Variants in SCAF4 observed in about 807,000 individuals in gnomAD.
SCAF4 encodes SR-related and CTD-associated factor 4.
SCAF4 carries 25 observed loss-of-function variants against 129.8 expected under a neutral mutation model. The ratio of observed to expected loss-of-function variants is 0.19; its 90% CI spans 0.14 to 0.27. The LOEUF (loss-of-function observed/expected upper bound fraction) is 0.27. SCAF4 is among the 10% of genes least tolerant of loss of function. The pLI, the probability that SCAF4 is intolerant of heterozygous loss-of-function variation, is 1.00. For synonymous variants in SCAF4, 551 were observed against 497.7 expected, an observed-to-expected ratio of 1.11 and a Z score of -1.43; for missense variants, 1,246 against 1,457.1, an observed-to-expected ratio of 0.86 and a Z score of 2.36.
chr21:31,726,333 C>T (rs1296966637), intron 1 of SCAF4, among the ~76,000 whole-genome samples: 1 of 152,164 alleles, frequency 6.6e-6, no homozygotes, highest in East Asian at 1.9e-4. Context: ...GTGTGAGCCA[C>T]CACGCCTGGC....
chr21:31,692,121 T>C, intron 13 of SCAF4, 191 bp from the exon 14 acceptor site: 1 of 591,850 alleles, frequency 1.7e-6, no homozygotes. Context: ...TATAAAGACT[T>C]ACCTAGAAAT....
At chr21:31,723,629 T>TGTGTGTGTGTGTGTGTGTGCGC (rs1271033175) in intron 1 of SCAF4, among the ~76,000 whole-genome samples, 22 of 148,998 alleles carry the variant, frequency 1.5e-4, no homozygotes, top group African/African-American at 5.2e-4. Flanking sequence ...TGTGTGTGTG[T>TGTGTGTGTGTGTGTGTGTGCGC]GCGCGCGCGC....
At chr21:31,718,780 T>C (rs186973414) in intron 1 of SCAF4, among the ~76,000 whole-genome samples, 180 of 152,358 alleles carry the variant, frequency 1.2e-3, no homozygotes, top group African/African-American at 4.0e-3. Flanking sequence ...CCGCACATAA[T>C]ATTCAAATTC....
intron 1 of SCAF4, among the ~76,000 whole-genome samples, chr21:31,722,951 T>TC (rs2123682454): frequency 6.6e-6 from 1 of 150,948 alleles, no homozygotes; most frequent in Non-Finnish European, 1.5e-5. Flanking sequence ...AGACTCCATC[T>TC]AAAAAAAAAG....
intron 1 of SCAF4, among the ~76,000 whole-genome samples, chr21:31,717,664 C>T (rs1424544466): frequency 6.6e-6 from 1 of 151,464 alleles, no homozygotes; most frequent in African/African-American, 2.4e-5. Context: ...CAGTAACTTG[C>T]AAATCTTTAA....
intron 1 of SCAF4, among the ~76,000 whole-genome samples, chr21:31,715,311 C>G (rs1173530816): frequency 2.0e-5 from 3 of 151,760 alleles, no homozygotes; most frequent in African/African-American, 7.3e-5. Context: ...GTATAAGGAC[C>G]CTTATGATTA....
At chr21:31,711,843 G>A (rs1386629969) in intron 1 of SCAF4, among the ~76,000 whole-genome samples, 1 of 152,064 alleles carries the variant, frequency 6.6e-6, no homozygotes, top group African/African-American at 2.4e-5. Context: ...GTGGCACAGA[G>A]GTATAAAGTG....
chr21:31,712,772 C>T lies in SCAF4; in HGVS notation c.31-6415G>A, dbSNP rs549436625. The T allele has an allele frequency of 1.8e-4, 63 of 343,230 alleles. 1 individual carries two copies. The highest frequency in any genetic ancestry group is 1.5e-3 in the Middle Eastern group (1 of 676). The allele number at this position is 343,230 out of a possible 1,614,324, so 21.3% of individuals were successfully genotyped here. A position where few individuals can be genotyped will look rare whatever the true frequency, so the allele number is the denominator to read the frequency against. On this transcript the variant is annotated intron_variant, in intron 1 of 19. Transcript: ENST00000286835. ...CTCAAACTCCTGACCTCAGTTGATCCACCCACCTCGGCCTCCCAAAGTGCT... is the reference window on the plus strand; with the variant it reads ...CTCAAACTCCTGACCTCAGTTGATCTACCCACCTCGGCCTCCCAAAGTGCT...
At position 31,707,770 on chromosome 21, in the gene SCAF4, C is replaced by A. The variant is rs185074309; in HGVS notation, c.31-1413G>T. Among the ~76,000 whole-genome samples the A allele has an allele frequency of 5.5e-3, 844 of 152,290 alleles. 10 individuals are homozygous for A. The highest frequency in any genetic ancestry group is 0.019 in the African/African-American group (796 of 41,554). ...AATATGAGTGTTTTCTCAGAGTAAACAGCCCCACCTAGCAGTGTATCCTAA... is the reference window on the plus strand; with the variant it reads ...AATATGAGTGTTTTCTCAGAGTAAAAAGCCCCACCTAGCAGTGTATCCTAA... On this transcript the variant is annotated intron_variant, in intron 1 of 19. Transcript: ENST00000286835.
At chr21:31,717,894 TACACATATATACACAC>T (rs1170227068) in intron 1 of SCAF4, among the ~76,000 whole-genome samples, 2 of 107,360 alleles carry the variant, frequency 1.9e-5, no homozygotes, top group African/African-American at 8.0e-5. Flanking sequence ...TACACATATA[TACACATATATACACAC>T]ACACACACAC....
intron 15 of SCAF4, among the ~76,000 whole-genome samples, chr21:31,689,587 G>C (rs1568834470): frequency 6.7e-6 from 1 of 149,646 alleles, no homozygotes; most frequent in Non-Finnish European, 1.5e-5. Context: ...TCGGATTACA[G>C]GCATGAGCCA....
intron 19 of SCAF4, among the ~76,000 whole-genome samples, chr21:31,677,288 C>A (rs145793740): frequency 1.3e-5 from 2 of 152,118 alleles, no homozygotes; most frequent in African/African-American, 4.8e-5. Flanking sequence ...GCCCTTCTTG[C>A]TTGCACCAAC....
intron 15 of SCAF4, among the ~76,000 whole-genome samples, chr21:31,690,109 CA>C (rs1309526164): frequency 4.6e-5 from 7 of 152,178 alleles, no homozygotes; most frequent in Non-Finnish European, 7.3e-5. Flanking sequence ...AACTGCAATT[CA>C]TTGTCTTACA....
In SCAF4 at chr21:31,693,468, G is replaced by A. The variant is rs2050309003; in HGVS notation, c.1339C>T (p.Arg447Ter). 1 of 1,496,116 alleles carries A rather than the reference G, an allele frequency of 6.7e-7. No homozygotes were observed. The highest frequency in any genetic ancestry group is 1.9e-5 in the Admixed American group (1 of 53,432). The allele number at this position is 1,496,116 out of a possible 1,614,324, so 92.7% of individuals were successfully genotyped here. A position where few individuals can be genotyped will look rare whatever the true frequency, so the allele number is the denominator to read the frequency against. The change falls in exon 12 of 20, where the codon CGA (arginine) becomes TGA (stop). Residue 447 changes from arginine (R) to a stop codon, truncating the protein, a stop_gained. Coordinates refer to ENST00000286835, the MANE Select transcript of SCAF4 (RefSeq NM_020706.2). LOFTEE classifies it high-confidence loss of function. Reference sequence around the variant, plus strand: ...CGAGATCTAGAACCAGATCTAGATCGCCTCCTTTTTGGTGACCTAATGTTT... The same window carrying A: ...CGAGATCTAGAACCAGATCTAGATCACCTCCTTTTTGGTGACCTAATGTTT... ...RSASRSPKRR[R>*]SRSGSRSRRS...
intron 4 of SCAF4, among the ~76,000 whole-genome samples, chr21:31,702,933 ATT>A (rs1250864796): frequency 2.0e-5 from 3 of 152,156 alleles, no homozygotes; most frequent in Admixed American, 6.5e-5. Context: ...TGACACTGAA[ATT>A]TATATGCTGT....
Position 31,706,354 on chromosome 21 carries a change from A to G in SCAF4, c.34T>C (p.Phe12Leu). 6.3e-7 allele frequency: 1 copy of G among 1,599,192 alleles called. No individual in the cohort carries two copies. Among genetic ancestry groups the G allele is most frequent in the Non-Finnish European group, 8.5e-7 (1 of 1,172,136 alleles). Residue 12 changes from phenylalanine to leucine, a missense_variant, in exon 2 of 20, where the codon TTT becomes CTT. Around this residue, in one of 6 missense-constraint regions of SCAF4, gnomAD observed 56 missense variants for 139.4 expected, o/e 0.40. Coordinates refer to ENST00000286835, the MANE Select transcript of SCAF4 (RefSeq NM_020706.2). ...GGAGGTTTCATATCCATAAGCGAAA[A>G]GAGCTTAAAAGACAAAAAACAAACA... ...DAVNAFNQEL[F>L]SLMDMKPPIS...
At chr21:31,685,318 A>G in intron 18 of SCAF4, 78 bp from the exon 19 acceptor site, 1 of 1,493,790 alleles carries the variant, frequency 6.7e-7, no homozygotes, top group Non-Finnish European at 9.3e-7. Context: ...GCCATACTAT[A>G]GATCCTATTA....
chr21:31,701,287 ATTGGGG>A, intron 6 of SCAF4, 116 bp from the exon 7 acceptor site: 1 of 826,742 alleles, frequency 1.2e-6, no homozygotes, highest in Non-Finnish European at 1.7e-6. Context: ...CACAGAACAA[ATTGGGG>A]AAAAAATCCT....
In SCAF4 at chr21:31,696,652, G is replaced by A. The variant is rs147439688; in HGVS notation, c.876C>T (p.Ala292=). 2.5e-3 allele frequency: 4,061 copies of A among 1,613,962 alleles called. 9 individuals are homozygous for A. Among genetic ancestry groups the A allele is most frequent in the Non-Finnish European group, 2.8e-3 (3,257 of 1,179,928 alleles). The change falls in exon 8 of 20, where the codon GCC becomes GCT. Residue 292 remains alanine, a synonymous_variant. Coordinates refer to ENST00000286835, the MANE Select transcript of SCAF4 (RefSeq NM_020706.2). ...TTAVTTTAPA[A]AVPPAPTATV... ...TGGCGGTGGGTGCAGGGGGTACTGC[G>A]GCAGCAGGTGCTGTCGTGGTGACGG...
Sources: gnomAD v4.1 joint callset for allele counts (sites outside exome capture counted in the v4.1 genomes callset) on GRCh38, gnomAD v4.1.1 for gene constraint, gnomAD v4.1.1 regional missense constraint, MANE v1.5 for transcripts, NCBI Gene and HGNC (gene_info 2026-07-23, HGNC 2026-07-21) for gene names.